CELF2: variants seen among roughly 807,000 people sequenced by gnomAD.
The protein encoded by CELF2 is CUG triplet repeat RNA-binding protein 2.
CELF2 carries 8 observed loss-of-function variants against 62.6 expected under a neutral mutation model. The ratio of observed to expected loss-of-function variants is 0.13; its 90% CI spans 0.07 to 0.23. CELF2 has a LOEUF of 0.23. CELF2 is among the 10% of genes least tolerant of loss of function. The pLI is 1.00. For synonymous variants in CELF2, 258 were observed against 250.0 expected (o/e 1.03, Z -0.30); for missense variants, 333 against 671.0 (o/e 0.50, Z 5.56).
chr10:10,509,839 G>A, the CELF2 span, among the ~76,000 whole-genome samples: 1 of 152,166 alleles, frequency 6.6e-6, no homozygotes, highest in Non-Finnish European at 1.5e-5. Flanking sequence ...CATTGAGGGT[G>A]AATTCCTAGA....
chr10:11,052,185 C>T (rs578009571), intron 1 of CELF2, among the ~76,000 whole-genome samples: 59 of 152,272 alleles, frequency 3.9e-4, no homozygotes, highest in African/African-American at 1.4e-3. Flanking sequence ...ATCTGCTCAT[C>T]TCGGCCTCCC....
chr10:10,600,295 A>G, the CELF2 span, among the ~76,000 whole-genome samples: 1 of 152,224 alleles, frequency 6.6e-6, no homozygotes, highest in Non-Finnish European at 1.5e-5. Flanking sequence ...GTCAATTACC[A>G]AAGTCTATTT....
At chr10:11,205,430 G>A (rs769311184) in intron 2 of CELF2, among the ~76,000 whole-genome samples, 6 of 152,220 alleles carry the variant, frequency 3.9e-5, no homozygotes, top group African/African-American at 7.2e-5. Flanking sequence ...GTGGACAATA[G>A]CTGCTAACAT....
At chr10:11,216,479 A>G (rs897203869) in intron 2 of CELF2, among the ~76,000 whole-genome samples, 5 of 152,164 alleles carry the variant, frequency 3.3e-5, no homozygotes, top group African/African-American at 9.7e-5. Flanking sequence ...AAAGGTTAGC[A>G]TCTTTGTTTC....
the CELF2 span, among the ~76,000 whole-genome samples, chr10:10,615,410 C>T: frequency 2.0e-5 from 3 of 152,118 alleles, no homozygotes; most frequent in East Asian, 5.8e-4. Flanking sequence ...TTCCAGCTGT[C>T]AGGCTGTGAG....
chr10:11,280,989 C>T lies in CELF2; in HGVS notation c.841+5869C>T, dbSNP rs200000214. 0.098 allele frequency among the ~76,000 whole-genome samples: 14,116 copies of T among 144,486 alleles called. 766 individuals carry two copies. The highest frequency in any genetic ancestry group is 0.19 in the Middle Eastern group (54 of 282). The allele number at this position is 144,486 out of a possible 152,430, so 94.8% of individuals were successfully genotyped here. ...TGGCGTGCGTGTGCATGCCTGTGTG[C>T]GTGTGTGTGTGTGTGTGTGTGTGTG... On this transcript the variant is annotated intron_variant, in intron 8 of 12. Coordinates refer to ENST00000633077, the MANE Select transcript of CELF2 (RefSeq NM_001326342.2). This position sits in a 1 kb window ranked among gnomAD's most constrained non-coding sequence, Gnocchi z 7.6.
chr10:10,907,474 G>A (rs1036738919), intron 1 of CELF2, among the ~76,000 whole-genome samples: 4 of 152,104 alleles, frequency 2.6e-5, no homozygotes, highest in African/African-American at 9.7e-5. Context: ...CTTAATTATA[G>A]CTAACTGTAA....
the CELF2 span, among the ~76,000 whole-genome samples, chr10:10,482,924 A>G: frequency 2.6e-5 from 4 of 152,136 alleles, no homozygotes; most frequent in Non-Finnish European, 5.9e-5. Context: ...TAAACTAGCC[A>G]GTTTTAAACC....
chr10:11,040,761 C>CA (rs1564481566), intron 1 of CELF2, among the ~76,000 whole-genome samples: 2 of 151,986 alleles, frequency 1.3e-5, no homozygotes, highest in Non-Finnish European at 1.5e-5. Context: ...ACTGATTTCA[C>CA]CTTCTACCTT....
At chr10:10,645,691 G>C in the CELF2 span, among the ~76,000 whole-genome samples, 1 of 152,188 alleles carries the variant, frequency 6.6e-6, no homozygotes, top group Non-Finnish European at 1.5e-5. Context: ...TTAATGGTTA[G>C]ATGATAAGCT....
chr10:11,109,152 T>G (rs565360749), intron 1 of CELF2, among the ~76,000 whole-genome samples: 6 of 152,288 alleles, frequency 3.9e-5, no homozygotes, highest in Admixed American at 3.3e-4. Flanking sequence ...AGGGAGGGAT[T>G]TTTGTGTTTC....
Position 11,268,570 on chromosome 10 carries a change from A to G in CELF2, c.618+1893A>G, listed in dbSNP as rs1230250939. Among the ~76,000 whole-genome samples the G allele has an allele frequency of 3.3e-5, 5 of 152,330 alleles. No individual in the cohort carries two copies. The East Asian group carries it at 9.6e-4, about 29-fold the overall frequency. On this transcript the variant is annotated intron_variant, in intron 6 of 12. Transcript: ENST00000633077. The surrounding 1 kb of genome is among the most constrained non-coding windows in gnomAD (Gnocchi z 4.7). Reference sequence around the variant, plus strand: ...AAAGAGTTGGTTTGACCACTGGGGCATATTTATTCCTAAGCCTTTGATCCT... The same window carrying G: ...AAAGAGTTGGTTTGACCACTGGGGCGTATTTATTCCTAAGCCTTTGATCCT...
At chr10:10,653,882 G>C in the CELF2 span, among the ~76,000 whole-genome samples, 1 of 151,494 alleles carries the variant, frequency 6.6e-6, no homozygotes, top group Non-Finnish European at 1.5e-5. Flanking sequence ...CAGAATTGAA[G>C]GAAATAGAGA....
intron 2 of CELF2, among the ~76,000 whole-genome samples, chr10:10,941,515 G>A (rs74853537): frequency 0.025 from 3,842 of 152,272 alleles, 140 homozygotes; most frequent in African/African-American, 0.084. Context: ...TATTTTGGGA[G>A]TTCACTAATG....
At chr10:10,567,199 G>A in the CELF2 span, among the ~76,000 whole-genome samples, 4,965 of 152,270 alleles carry the variant, frequency 0.033, 164 homozygotes, top group East Asian at 0.1. Context: ...TTTAATGGTA[G>A]AGACACCTGA....
At chr10:10,976,907 C>T (rs1326691503) in intron 2 of CELF2, among the ~76,000 whole-genome samples, 1 of 152,124 alleles carries the variant, frequency 6.6e-6, no homozygotes, top group Non-Finnish European at 1.5e-5. Context: ...TTCCAGATAA[C>T]CCTTCTTCTG....
intron 3 of CELF2, among the ~76,000 whole-genome samples, chr10:11,248,560 T>G (rs193010227): frequency 6.6e-6 from 1 of 152,298 alleles, no homozygotes; most frequent in East Asian, 1.9e-4. Flanking sequence ...GACCTTCAAA[T>G]TACTCATGAG....
At chr10:11,141,550 G>T (rs1480956771) in intron 1 of CELF2, among the ~76,000 whole-genome samples, 1 of 152,218 alleles carries the variant, frequency 6.6e-6, no homozygotes, top group African/African-American at 2.4e-5. Context: ...AGATTTTTCT[G>T]GGGGAGCCAA....
intron 1 of CELF2, among the ~76,000 whole-genome samples, chr10:11,047,696 G>T (rs775620130): frequency 3.3e-5 from 5 of 152,204 alleles, no homozygotes; most frequent in African/African-American, 9.7e-5. Context: ...ATTTAAAGTA[G>T]TGATGAGATC....
Sources: allele counts gnomAD v4.1 joint callset (sites outside exome capture counted in the v4.1 genomes callset), GRCh38; gene constraint gnomAD v4.1.1; non-coding constraint Gnocchi (gnomAD v3.1); transcripts MANE v1.5; gene names NCBI Gene and HGNC (gene_info 2026-07-23, HGNC 2026-07-21).